Variants in RALGAPA2 observed in about 807,000 individuals in gnomAD.
The protein encoded by RALGAPA2 is ral GTPase-activating protein subunit alpha-2.
RALGAPA2 carries 139 observed loss-of-function variants against 230.4 expected under a neutral mutation model. The observed-to-expected ratio is 0.60, with a 90% confidence interval of 0.53 to 0.69. The LOEUF is 0.69. Ranked by LOEUF, RALGAPA2 falls within the 30% of genes least tolerant of loss-of-function variation. RALGAPA2 has a pLI of 0.00. For synonymous variants in RALGAPA2, 847 were observed against 837.8 expected (o/e 1.01, Z -0.19); for missense variants, 2,163 against 2,276.0 (o/e 0.95, Z 1.01).
chr20:20,588,501 G>A (rs548693638), intron 18 of RALGAPA2, among the ~76,000 whole-genome samples: 40 of 152,328 alleles, frequency 2.6e-4, no homozygotes, highest in African/African-American at 9.1e-4. Flanking sequence ...CTCTCTGAGG[G>A]GAGATAGCAG....
At chr20:20,559,457 A>T (rs2064188231) in intron 23 of RALGAPA2, among the ~76,000 whole-genome samples, 1 of 152,132 alleles carries the variant, frequency 6.6e-6, no homozygotes, top group Non-Finnish European at 1.5e-5. Flanking sequence ...CAAAGCAGCA[A>T]TACCAACAAA....
Position 20,505,373 on chromosome 20 carries a change from T to G in RALGAPA2, c.5052+38A>C, listed in dbSNP as rs531347851. 4 of 1,563,424 alleles carry G rather than the reference T, an allele frequency of 2.6e-6. No individual in the cohort carries two copies. The Admixed American group carries it at 5.7e-5, about 22-fold the overall frequency. On this transcript the variant is annotated intron_variant, in intron 34 of 39. Coordinates refer to ENST00000202677, the MANE Select transcript of RALGAPA2 (RefSeq NM_020343.4). ...CTAGTTTGGACACATCTTTAAACAG[T>G]GCTGGTCAATAAACACCTACTGAAT... is the stretch of plus-strand genomic sequence containing the variant.
chr20:20,679,138 G>T (rs2068437705), intron 2 of RALGAPA2, among the ~76,000 whole-genome samples: 2 of 151,784 alleles, frequency 1.3e-5, no homozygotes, highest in Admixed American at 1.3e-4. Context: ...ATATTGTACT[G>T]TCCAGCCAAC....
intron 16 of RALGAPA2, among the ~76,000 whole-genome samples, chr20:20,597,230 CAG>C (rs980886646): frequency 1.3e-5 from 2 of 152,070 alleles, no homozygotes; most frequent in East Asian, 1.9e-4. Flanking sequence ...ATTAGCCAAA[CAG>C]GGGGTAAAAT....
At position 20,392,105 on chromosome 20, in the gene RALGAPA2, G is replaced by C. The variant is rs532885042; in HGVS notation, c.*1184C>G. ...GACTGATTTCTCTGCTGCAGGACGG[G>C]CAAGGCCCACCCAGGGCGCCCCAGC... On this transcript the variant is annotated 3_prime_UTR_variant, in exon 40 of 40. Coordinates refer to ENST00000202677, the MANE Select transcript of RALGAPA2 (RefSeq NM_020343.4). 7 of 152,348 alleles carry C rather than the reference G, an allele frequency of 4.6e-5. No individual in the cohort carries two copies. Among genetic ancestry groups the C allele is most frequent in the African/African-American group, 1.7e-4 (7 of 41,574 alleles). The allele number at this position is 152,348 out of a possible 1,614,324, so 9.4% of individuals were successfully genotyped here.
intron 3 of RALGAPA2, chr20:20,659,689 G>T: frequency 2.4e-6 from 1 of 417,036 alleles, no homozygotes; most frequent in South Asian, 2.2e-5. Flanking sequence ...TAATCTGAAT[G>T]GCAACAGCAG....
At chr20:20,662,721 C>A (rs1181629321) in intron 3 of RALGAPA2, among the ~76,000 whole-genome samples, 3 of 152,058 alleles carry the variant, frequency 2.0e-5, no homozygotes, top group Admixed American at 1.3e-4. Flanking sequence ...ATCAGAGATA[C>A]ATAAAAGACA....
chr20:20,695,712 T>G (rs1209000247), intron 1 of RALGAPA2, among the ~76,000 whole-genome samples: 1 of 152,188 alleles, frequency 6.6e-6, no homozygotes, highest in Non-Finnish European at 1.5e-5. Flanking sequence ...GAGTAAGACA[T>G]AAGGTTCAGT....
intron 23 of RALGAPA2, among the ~76,000 whole-genome samples, chr20:20,569,286 T>A (rs1003233517): frequency 2.0e-5 from 3 of 152,198 alleles, no homozygotes; most frequent in Non-Finnish European, 2.9e-5. Context: ...AGTAATTCTG[T>A]TTGGCAGACA....
intron 24 of RALGAPA2, among the ~76,000 whole-genome samples, chr20:20,542,380 G>A (rs574207063): frequency 1.3e-5 from 2 of 152,228 alleles, no homozygotes; most frequent in Admixed American, 1.3e-4. Flanking sequence ...AGCTACCATT[G>A]ACTTTCCTCA....
chr20:20,567,482 G>A (rs1318363809), intron 23 of RALGAPA2, among the ~76,000 whole-genome samples: 1 of 152,172 alleles, frequency 6.6e-6, no homozygotes, highest in Non-Finnish European at 1.5e-5. Context: ...GGAGGATTCT[G>A]AAGTGGAGTA....
intron 37 of RALGAPA2, among the ~76,000 whole-genome samples, chr20:20,461,727 G>A (rs2061305841): frequency 6.6e-6 from 1 of 152,196 alleles, no homozygotes; most frequent in South Asian, 2.1e-4. Flanking sequence ...GGGGAATTCT[G>A]GAACTCTGCT....
In RALGAPA2 at chr20:20,616,772, AT is replaced by A. The variant is rs201019086; in HGVS notation, c.1540-582del. Among the ~76,000 whole-genome samples, 21 of 151,638 alleles carry A rather than the reference AT, an allele frequency of 1.4e-4. No homozygotes were observed. In the East Asian group the frequency reaches 1.5e-3, roughly 11 times the overall value. On this transcript the variant is annotated intron_variant, in intron 12 of 39. Transcript: ENST00000202677. ...GACATCACACGCCTTCCAGGAGGCT[AT>A]TTTTTTTTAATATGAAAGATATATT...
intron 37 of RALGAPA2, among the ~76,000 whole-genome samples, chr20:20,422,755 G>C (rs2060302594): frequency 6.6e-6 from 1 of 152,220 alleles, no homozygotes; most frequent in Non-Finnish European, 1.5e-5. Flanking sequence ...GACACAGGAA[G>C]AGCAGAAGAC....
chr20:20,426,848 T>A (rs545536152), intron 37 of RALGAPA2, among the ~76,000 whole-genome samples: 137 of 152,216 alleles, frequency 9.0e-4, no homozygotes, highest in Non-Finnish European at 1.2e-3. Flanking sequence ...AACCAAAGAT[T>A]ACATTTAAAT....
chr20:20,687,516 G>A (rs2068749481), intron 1 of RALGAPA2, among the ~76,000 whole-genome samples: 1 of 151,808 alleles, frequency 6.6e-6, no homozygotes, highest in Non-Finnish European at 1.5e-5. Context: ...AGAGCCGCAA[G>A]TAGTTGCTGA....
chr20:20,621,908 T>A (rs1603095263), intron 10 of RALGAPA2, among the ~76,000 whole-genome samples: 1 of 152,180 alleles, frequency 6.6e-6, no homozygotes, highest in African/African-American at 2.4e-5. Context: ...TAGCCACAAA[T>A]CCAGGTCTTG....
chr20:20,700,443 T>G (rs2069307459), intron 1 of RALGAPA2, among the ~76,000 whole-genome samples: 1 of 152,154 alleles, frequency 6.6e-6, no homozygotes, highest in Non-Finnish European at 1.5e-5. Flanking sequence ...GTACCCCCTG[T>G]ACCTAAAATA....
intron 37 of RALGAPA2, among the ~76,000 whole-genome samples, chr20:20,455,402 G>C (rs1486444004): frequency 6.6e-6 from 1 of 152,190 alleles, no homozygotes; most frequent in Non-Finnish European, 1.5e-5. Flanking sequence ...AAACACTAAA[G>C]AGCTGGGGGA....
Sources: allele counts gnomAD v4.1 joint callset (sites outside exome capture counted in the v4.1 genomes callset), GRCh38; gene constraint gnomAD v4.1.1; transcripts MANE v1.5; gene names NCBI Gene and HGNC (gene_info 2026-07-23, HGNC 2026-07-21).